FASTKD1: variants seen among roughly 807,000 people sequenced by gnomAD.
FASTKD1 encodes the protein FAST kinase domain-containing protein 1, mitochondrial.
A neutral mutation model predicts 90.9 loss-of-function variants in FASTKD1; 94 were observed. The ratio of observed to expected loss-of-function variants is 1.03; its 90% CI spans 0.88 to 1.23. The LOEUF (loss-of-function observed/expected upper bound fraction) is 1.23. Ranked by LOEUF, FASTKD1 falls within the 50% of genes most tolerant of loss-of-function variation. The pLI, the probability that FASTKD1 is intolerant of heterozygous loss-of-function variation, is 0.00. For synonymous variants in FASTKD1, 319 were observed against 345.8 expected (o/e 0.92, Z 0.86); for missense variants, 945 against 993.5 (o/e 0.95, Z 0.66).
intron 8 of FASTKD1, among the ~76,000 whole-genome samples, 157 bp from the exon 9 acceptor site, chr2:169,544,992 T>A (rs1160969592): frequency 3.9e-5 from 6 of 152,234 alleles, no homozygotes; most frequent in Non-Finnish European, 8.8e-5. Context: ...CCTGCTATAA[T>A]TTATTTAACC....
At chr2:169,564,764 G>A (rs1051132793) in intron 3 of FASTKD1, among the ~76,000 whole-genome samples, 3 of 151,446 alleles carry the variant, frequency 2.0e-5, no homozygotes, top group Admixed American at 6.6e-5. Flanking sequence ...TGCTCTCTAC[G>A]TCCATTAGTT....
At chr2:169,552,758 T>C (rs967698331) in intron 7 of FASTKD1, among the ~76,000 whole-genome samples, 1 of 152,118 alleles carries the variant, frequency 6.6e-6, no homozygotes, top group Admixed American at 6.6e-5. Context: ...GGGAGGTTGG[T>C]AGGCAAGCTA....
chr2:169,569,335 G>T, intron 2 of FASTKD1, 83 bp from the exon 3 acceptor site: 1 of 1,290,614 alleles, frequency 7.7e-7, no homozygotes, highest in Non-Finnish European at 1.1e-6. Flanking sequence ...TAATGCAAAA[G>T]TGAAACTCAA....
At chr2:169,553,688 C>A (rs892106920) in intron 7 of FASTKD1, among the ~76,000 whole-genome samples, 1 of 151,976 alleles carries the variant, frequency 6.6e-6, no homozygotes. Flanking sequence ...GAGGCTGAGG[C>A]GGGCAGACCA....
intron 12 of FASTKD1, 48 bp downstream of exon 12, chr2:169,537,179 A>G (rs772952916): frequency 9.0e-7 from 1 of 1,110,554 alleles, no homozygotes. Context: ...TTCTATTCAA[A>G]TTAGTTTGAT....
At chr2:169,552,806 A>G (rs548803797) in intron 7 of FASTKD1, among the ~76,000 whole-genome samples, 1 of 152,306 alleles carries the variant, frequency 6.6e-6, no homozygotes, top group South Asian at 2.1e-4. Flanking sequence ...TAAGTACATT[A>G]CTCAGGTGAC....
intron 11 of FASTKD1, 58 bp downstream of exon 11, chr2:169,537,955 T>G (rs567973616): frequency 6.9e-7 from 1 of 1,445,062 alleles, no homozygotes; most frequent in South Asian, 1.3e-5. Flanking sequence ...AACAATGTAC[T>G]ACCTAATAAT....
intron 5 of FASTKD1, among the ~76,000 whole-genome samples, chr2:169,559,159 G>GA (rs1683470912): frequency 1.3e-5 from 2 of 151,352 alleles, no homozygotes; most frequent in African/African-American, 4.9e-5. Context: ...TTTTAGTAGA[G>GA]ACGGGGTTCC....
intron 1 of FASTKD1, chr2:169,573,301 A>G (rs1026226463): frequency 9.2e-5 from 14 of 152,276 alleles, no homozygotes; most frequent in Admixed American, 6.5e-4. Flanking sequence ...AAAACCCTGC[A>G]CAAATCAAAG....
At chr2:169,558,763 A>AT (rs1683447125) in intron 5 of FASTKD1, among the ~76,000 whole-genome samples, 1 of 142,688 alleles carries the variant, frequency 7.0e-6, no homozygotes, top group African/African-American at 2.6e-5. Flanking sequence ...TTTTTTTTGT[A>AT]TTTTTAGTAG....
intron 7 of FASTKD1, among the ~76,000 whole-genome samples, chr2:169,553,464 AAAAGAT>A (rs1279525787): frequency 6.6e-6 from 1 of 152,134 alleles, no homozygotes; most frequent in Non-Finnish European, 1.5e-5. Flanking sequence ...TTTTTCAAGA[AAAAGAT>A]AAACTTTCTT....
In FASTKD1 at chr2:169,571,934, T is replaced by C. The variant is rs1684254032; in HGVS notation, c.96A>G (p.Arg32=). Reference sequence around the variant, plus strand: ...TAATTAGTGGTTCACAACTGATGGGTCGAAATTGAAACACTCTCCAGGAGA... The same window carrying C: ...TAATTAGTGGTTCACAACTGATGGGCCGAAATTGAAACACTCTCCAGGAGA... The part of the protein sequence containing the change: ...CPFSWRVFQF[R]PISCEPLIIQ... Residue 32 remains arginine (R), a synonymous_variant, in exon 2 of 15, where the codon CGA becomes CGG. Coordinates refer to ENST00000453153, the MANE Select transcript of FASTKD1 (RefSeq NM_024622.6). The C allele has an allele frequency of 1.2e-6, 2 of 1,614,040 alleles. No individual in the cohort carries two copies. The highest frequency in any genetic ancestry group is 2.7e-5 in the African/African-American group (2 of 75,022).
chr2:169,543,010 T>C (rs1334243456), intron 9 of FASTKD1, among the ~76,000 whole-genome samples: 1 of 152,166 alleles, frequency 6.6e-6, no homozygotes, highest in East Asian at 1.9e-4. Flanking sequence ...ATTTCTAGTT[T>C]ACTACAAATG....
chr2:169,548,387 T>C (rs1685313658), intron 7 of FASTKD1, among the ~76,000 whole-genome samples: 1 of 145,444 alleles, frequency 6.9e-6, no homozygotes, highest in Non-Finnish European at 1.5e-5. Flanking sequence ...GAAATCCCCA[T>C]GGCAAGAGTC....
In FASTKD1 at chr2:169,546,245, G is replaced by A. The variant is rs764024473; in HGVS notation, c.1674C>T (p.Ala558=). Residue 558 remains alanine (A), a synonymous_variant, in exon 8 of 15, where the codon GCC becomes GCT. Transcript: ENST00000453153. ...TTTCAATCTGCTGAACAGCCACTGAGGCTATCCTATCTAGTAGCAAAGTAC... is the reference window on the plus strand; with the variant it reads ...TTTCAATCTGCTGAACAGCCACTGAAGCTATCCTATCTAGTAGCAAAGTAC... ...YLSTLLLDRI[A]SVAVQQIEKI... The A allele has an allele frequency of 6.4e-5, 102 of 1,594,248 alleles. 1 individual carries two copies. In the Admixed American group the frequency reaches 1.7e-3, roughly 27 times the overall value.
intron 7 of FASTKD1, among the ~76,000 whole-genome samples, chr2:169,550,751 T>A (rs1685456232): frequency 6.6e-6 from 1 of 152,246 alleles, no homozygotes; most frequent in Non-Finnish European, 1.5e-5. Flanking sequence ...ATATACTTTT[T>A]TCTGTTTTCC....
At chr2:169,533,251 T>C (rs1346840736) in intron 12 of FASTKD1, among the ~76,000 whole-genome samples, 1 of 152,270 alleles carries the variant, frequency 6.6e-6, no homozygotes, top group African/African-American at 2.4e-5. Context: ...ATTGTTGTTA[T>C]GTTTTTTAAG....
intron 6 of FASTKD1, among the ~76,000 whole-genome samples, chr2:169,556,823 T>C (rs1683341252): frequency 8.5e-6 from 1 of 118,078 alleles, no homozygotes; most frequent in South Asian, 2.7e-4. Context: ...CAAGACTCTG[T>C]CTCAAAAACA....
At chr2:169,542,214 T>C (rs1684986830) in intron 9 of FASTKD1, among the ~76,000 whole-genome samples, 1 of 152,146 alleles carries the variant, frequency 6.6e-6, no homozygotes, top group South Asian at 2.1e-4. Flanking sequence ...TCGATCATGG[T>C]AGTTTATCTG....
Sources: allele counts gnomAD v4.1 joint callset (sites outside exome capture counted in the v4.1 genomes callset), GRCh38; gene constraint gnomAD v4.1.1; transcripts MANE v1.5; gene names NCBI Gene and HGNC (gene_info 2026-07-23, HGNC 2026-07-21).